MAP4K1: variants seen among roughly 807,000 people sequenced by gnomAD.
MAP4K1 encodes the protein MAPK/ERK kinase kinase kinase 1.
MAP4K1 carries 35 observed loss-of-function variants against 122.8 expected under a neutral mutation model. That is an observed-to-expected ratio of 0.29 (90% CI 0.22 to 0.38). The LOEUF is 0.38. Among genes scored for constraint, MAP4K1 ranks in the 10% least tolerant of loss-of-function variants. The probability of loss-of-function intolerance (pLI) is 1.00; values close to 1 mark genes in which losing one functional copy is unlikely to be tolerated. For missense variants in MAP4K1, 791 were observed against 1,072.6 expected (o/e 0.74, Z 3.67); for synonymous variants, 412 against 421.3 (o/e 0.98, Z 0.27).
chr19:38,606,114 C>T, intron 17 of MAP4K1, 59 bp downstream of exon 17: 3 of 1,363,180 alleles, frequency 2.2e-6, no homozygotes, highest in Non-Finnish European at 3.1e-6. Flanking sequence ...AAGGACCTGG[C>T]CTCCTGGCCC....
chr19:38,605,635 G>C lies in MAP4K1; in HGVS notation c.1296C>G (p.Pro432=). The change falls in exon 18 of 31, where the codon CCC becomes CCG. Residue 432 remains proline, a synonymous_variant. Transcript: ENST00000396857. ...PGVLVRCASG[P]PPNSPRPGPP... ...GCCCAGGACGGGGGCTGTTTGGTGGGGGCCCACTGGCACACCGGACCAGCA... is the reference window on the plus strand; with the variant it reads ...GCCCAGGACGGGGGCTGTTTGGTGGCGGCCCACTGGCACACCGGACCAGCA... 6.3e-7 allele frequency: 1 copy of C among 1,595,050 alleles called. No individual in the cohort carries two copies.
At chr19:38,615,133 G>C (rs1975611682) in intron 4 of MAP4K1, among the ~76,000 whole-genome samples, 1 of 151,846 alleles carries the variant, frequency 6.6e-6, no homozygotes, top group Non-Finnish European at 1.5e-5. Flanking sequence ...GAAGACATGA[G>C]GGCTCCCACT....
chr19:38,599,616 T>G (rs896124180), intron 22 of MAP4K1, among the ~76,000 whole-genome samples: 1 of 151,914 alleles, frequency 6.6e-6, no homozygotes, highest in African/African-American at 2.4e-5. Flanking sequence ...GAGCTGAGAT[T>G]GTACCACTGC....
chr19:38,598,267 G>C (rs934995327), intron 22 of MAP4K1, among the ~76,000 whole-genome samples: 1 of 151,922 alleles, frequency 6.6e-6, no homozygotes, highest in Non-Finnish European at 1.5e-5. Flanking sequence ...CTGACCTCAG[G>C]TGATCTACCC....
At chr19:38,614,555 AATAGG>A (rs1975592477) in intron 4 of MAP4K1, 110 bp from the exon 5 acceptor site, 1 of 1,166,504 alleles carries the variant, frequency 8.6e-7, no homozygotes, top group Non-Finnish European at 1.3e-6. Flanking sequence ...GGAGAGGGGA[AATAGG>A]ATAGGACCAG....
chr19:38,591,267 G>A (rs1250899672), intron 30 of MAP4K1, among the ~76,000 whole-genome samples: 1 of 151,934 alleles, frequency 6.6e-6, no homozygotes, highest in African/African-American at 2.4e-5. Flanking sequence ...AGTGGCTCAC[G>A]CCTGTAATCC....
intron 26 of MAP4K1, 53 bp downstream of exon 26, chr19:38,596,259 C>A (rs1215210994): frequency 2.0e-6 from 3 of 1,488,280 alleles, no homozygotes; most frequent in Non-Finnish European, 2.7e-6. Flanking sequence ...CCTCCAGCTC[C>A]GCCCCTCCGG....
Position 38,587,648 on chromosome 19 carries a change from C to T in MAP4K1, c.*100G>A, listed in dbSNP as rs1220918605. 9.7e-7 allele frequency: 1 copy of T among 1,032,418 alleles called. No homozygotes were observed. The highest frequency in any genetic ancestry group is 1.6e-5 in the African/African-American group (1 of 63,698). 64.0% of individuals were successfully genotyped at this position (1,032,418 alleles called of 1,614,324 possible). A position where few individuals can be genotyped will look rare whatever the true frequency, so the allele number is the denominator to read the frequency against. ...AAGAAAAACAAGATGACAGCAGAGGCTAAAGTCATGTTTATTGGGAGATGA... is the reference window on the plus strand; with the variant it reads ...AAGAAAAACAAGATGACAGCAGAGGTTAAAGTCATGTTTATTGGGAGATGA... On this transcript the variant is annotated 3_prime_UTR_variant, in exon 31 of 31. Coordinates refer to ENST00000396857, the MANE Select transcript of MAP4K1 (RefSeq NM_001042600.3).
chr19:38,588,130 A>G (rs1236340394), intron 30 of MAP4K1, among the ~76,000 whole-genome samples: 6 of 152,144 alleles, frequency 3.9e-5, no homozygotes, highest in Non-Finnish European at 2.9e-5. Context: ...TGAAAGGGCA[A>G]GGAAGAGTGT....
In MAP4K1 at chr19:38,611,152, G is replaced by T; in HGVS notation, c.729-20C>A. 2 of 1,610,900 alleles carry T rather than the reference G, an allele frequency of 1.2e-6. No individual in the cohort carries two copies. Among genetic ancestry groups the T allele is most frequent in the Non-Finnish European group, 1.7e-6 (2 of 1,177,312 alleles). ...GCCGACCTTGGGAAGAAGAAGCCAG[G>T]TTCTGGATGAGGGGACCAGAAACCC... On this transcript the variant is annotated intron_variant, in intron 10 of 30. Transcript: ENST00000396857.
chr19:38,610,029 G>A lies in MAP4K1; in HGVS notation c.811-4C>T, dbSNP rs1380177705. The stretch of plus-strand genomic sequence containing the variant: ...CAGGCTGGGATACCAGTTGATGCTG[G>A]CGGAGGGAAGAGGTGTCCGTATCCA... On this transcript the variant is annotated splice_polypyrimidine_tract_variant and splice_region_variant and intron_variant, in intron 11 of 30. Coordinates refer to ENST00000396857, the MANE Select transcript of MAP4K1 (RefSeq NM_001042600.3). The A allele has an allele frequency of 6.2e-7, 1 of 1,603,240 alleles. No homozygotes were observed. The highest frequency in any genetic ancestry group is 8.5e-7 in the Non-Finnish European group (1 of 1,170,152).
intron 4 of MAP4K1, 52 bp from the exon 5 acceptor site, chr19:38,614,497 T>C: frequency 6.2e-7 from 1 of 1,607,338 alleles, no homozygotes; most frequent in Non-Finnish European, 8.5e-7. Flanking sequence ...CCAGGGAACC[T>C]GGGCTGGGGA....
At chr19:38,589,619 T>C (rs183044912) in intron 30 of MAP4K1, among the ~76,000 whole-genome samples, 9 of 152,096 alleles carry the variant, frequency 5.9e-5, no homozygotes, top group African/African-American at 2.2e-4. Flanking sequence ...TTCTCCACAT[T>C]GGTCAGGCTG....
chr19:38,594,399 G>A (rs868709027), intron 29 of MAP4K1, among the ~76,000 whole-genome samples: 2 of 152,152 alleles, frequency 1.3e-5, no homozygotes, highest in Non-Finnish European at 2.9e-5. Flanking sequence ...CAGCACTTTC[G>A]GAGGCTGAGG....
At chr19:38,611,881 T>C (rs1975508646) in intron 9 of MAP4K1, among the ~76,000 whole-genome samples, 1 of 152,086 alleles carries the variant, frequency 6.6e-6, no homozygotes. Context: ...AGTGGATCAC[T>C]TGAGGTCAGG....
At chr19:38,611,463 T>C (rs1975496370) in intron 9 of MAP4K1, among the ~76,000 whole-genome samples, 158 bp from the exon 10 acceptor site, 2 of 152,108 alleles carry the variant, frequency 1.3e-5, no homozygotes, top group African/African-American at 2.4e-5. Flanking sequence ...GTGCCTCTCC[T>C]AAGGGAAGCC....
At chr19:38,591,592 G>C (rs1974729085) in intron 30 of MAP4K1, among the ~76,000 whole-genome samples, 1 of 151,616 alleles carries the variant, frequency 6.6e-6, no homozygotes, top group Non-Finnish European at 1.5e-5. Context: ...TTCTCTGGGA[G>C]TGTGAGTTTT....
At chr19:38,602,513 C>T (rs1975102930) in intron 19 of MAP4K1, among the ~76,000 whole-genome samples, 1 of 149,520 alleles carries the variant, frequency 6.7e-6, no homozygotes, top group African/African-American at 2.5e-5. Context: ...TACACGTGTA[C>T]ATATATACGC....
intron 6 of MAP4K1, 25 bp downstream of exon 6, chr19:38,614,220 C>T: frequency 1.9e-6 from 3 of 1,611,886 alleles, no homozygotes; most frequent in Non-Finnish European, 1.7e-6. Flanking sequence ...CACCCCCCAA[C>T]AGCACCCCTA....
Sources: allele counts gnomAD v4.1 joint callset (sites outside exome capture counted in the v4.1 genomes callset), GRCh38; gene constraint gnomAD v4.1.1; transcripts MANE v1.5; gene names NCBI Gene and HGNC (gene_info 2026-07-23, HGNC 2026-07-21).